PTPRN2: variants seen among roughly 807,000 people sequenced by gnomAD.
The protein encoded by PTPRN2 is receptor-type tyrosine-protein phosphatase N2.
PTPRN2 carries 74 observed loss-of-function variants against 118.8 expected under a neutral mutation model. The ratio of observed to expected loss-of-function variants is 0.62; its 90% CI spans 0.52 to 0.76. The LOEUF is 0.76. Ranked by LOEUF, PTPRN2 falls within the 30% of genes least tolerant of loss-of-function variation. PTPRN2 has a pLI of 0.00. For synonymous variants in PTPRN2, 641 were observed against 608.0 expected, an observed-to-expected ratio of 1.05 and a Z score of -0.80; for missense variants, 1,481 against 1,394.4, an observed-to-expected ratio of 1.06 and a Z score of -0.99.
rs1409220065 is a variant in PTPRN2 at position 157,676,314 on chromosome 7, C to T, written c.2001+6411G>A. Among the ~76,000 whole-genome samples, 1 of 152,230 alleles carries T rather than the reference C, an allele frequency of 6.6e-6. No homozygotes were observed. Among genetic ancestry groups the T allele is most frequent in the South Asian group, 2.1e-4 (1 of 4,818 alleles). On this transcript the variant is annotated intron_variant, in intron 13 of 22. Coordinates refer to ENST00000389418, the MANE Select transcript of PTPRN2 (RefSeq NM_002847.5). This position sits in a 1 kb window ranked among gnomAD's most constrained non-coding sequence, Gnocchi z 5.6. ...AGCCACGCCTCCATCTCCCGCCAGC[C>T]GCCAAGAGCTCCACCCACCACCTGG...
intron 11 of PTPRN2, among the ~76,000 whole-genome samples, chr7:157,912,329 G>T (rs955805486): frequency 6.6e-6 from 1 of 152,154 alleles, no homozygotes; most frequent in Non-Finnish European, 1.5e-5. Context: ...CCTCTTACAT[G>T]AAATTTTTGT....
In PTPRN2 at chr7:158,124,961, G is replaced by T. The variant is rs538861584; in HGVS notation, c.1556+8716C>A. Among the ~76,000 whole-genome samples the T allele has an allele frequency of 1.4e-3, 218 of 152,362 alleles. 1 individual carries two copies. Among genetic ancestry groups the T allele is most frequent in the African/African-American group, 4.6e-3 (192 of 41,588 alleles). On this transcript the variant is annotated intron_variant, in intron 9 of 22. Transcript: ENST00000389418. ...GCAAGAGAGAAGGCCCCGCAGTGCGGAGGCAAGAGGCTCAGATGGCCTGGA... is the reference window on the plus strand; with the variant it reads ...GCAAGAGAGAAGGCCCCGCAGTGCGTAGGCAAGAGGCTCAGATGGCCTGGA...
At chr7:157,826,756 C>T (rs1807201139) in intron 12 of PTPRN2, among the ~76,000 whole-genome samples, 1 of 152,146 alleles carries the variant, frequency 6.6e-6, no homozygotes, top group African/African-American at 2.4e-5. Context: ...GTCCTGATTG[C>T]AGAGGGTGGG....
At position 157,710,544 on chromosome 7, in the gene PTPRN2, C is replaced by G. The variant is rs888613719; in HGVS notation, c.1789-27607G>C. On this transcript the variant is annotated intron_variant, in intron 12 of 22. Coordinates refer to ENST00000389418, the MANE Select transcript of PTPRN2 (RefSeq NM_002847.5). ...CAGAGAGTGACATGGCTGCGGGGTCCCGCTGCAGAAGAACCCTGTGCAGTG... is the reference window on the plus strand; with the variant it reads ...CAGAGAGTGACATGGCTGCGGGGTCGCGCTGCAGAAGAACCCTGTGCAGTG... Among the ~76,000 whole-genome samples, 13 of 143,338 alleles carry G rather than the reference C, an allele frequency of 9.1e-5. No individual in the cohort carries two copies. In the East Asian group the frequency reaches 3.2e-3, roughly 35 times the overall value. 94.0% of individuals were successfully genotyped at this position (143,338 alleles called of 152,430 possible).
At chr7:158,128,606 C>T (rs1224697871) in intron 9 of PTPRN2, among the ~76,000 whole-genome samples, 1 of 152,220 alleles carries the variant, frequency 6.6e-6, no homozygotes, top group East Asian at 1.9e-4. Flanking sequence ...TGCGAGGCTG[C>T]TGCAGACAGG....
intron 11 of PTPRN2, among the ~76,000 whole-genome samples, chr7:158,054,267 T>C (rs1299938563): frequency 6.6e-6 from 1 of 152,194 alleles, no homozygotes; most frequent in Non-Finnish European, 1.5e-5. Flanking sequence ...AATTTTCCCA[T>C]GCGTGGGCCG....
intron 6 of PTPRN2, among the ~76,000 whole-genome samples, chr7:158,161,314 G>A (rs763021224): frequency 2.0e-5 from 3 of 152,168 alleles, no homozygotes; most frequent in Non-Finnish European, 4.4e-5. Context: ...CCATCATTAG[G>A]ATGCACTACA....
intron 2 of PTPRN2, among the ~76,000 whole-genome samples, chr7:158,486,689 A>C (rs1414742921): frequency 6.6e-6 from 1 of 152,150 alleles, no homozygotes; most frequent in Non-Finnish European, 1.5e-5. Flanking sequence ...CTGGCCTAAA[A>C]CCCTTACAGC....
At chr7:157,943,855 G>A (rs888448434) in intron 11 of PTPRN2, among the ~76,000 whole-genome samples, 2 of 152,290 alleles carry the variant, frequency 1.3e-5, no homozygotes, top group Non-Finnish European at 2.9e-5. Context: ...CACAGAGGCC[G>A]CAGGTGTCTA....
rs1355221588 is a variant in PTPRN2, at chr7:158,493,784, T to C, written c.113-3999A>G. Reference sequence around the variant, plus strand: ...TCATGCATGCATGCAGTCATGCCCATTCACAGGCACACTCATGCCTGCACA... The same window carrying C: ...TCATGCATGCATGCAGTCATGCCCACTCACAGGCACACTCATGCCTGCACA... On this transcript the variant is annotated intron_variant, in intron 1 of 22. Transcript: ENST00000389418. Among the ~76,000 whole-genome samples the C allele has an allele frequency of 9.3e-5, 11 of 117,680 alleles. 2 individuals are homozygous for C. The highest frequency in any genetic ancestry group is 7.1e-5 in the Non-Finnish European group (4 of 56,076). 77.2% of individuals were successfully genotyped at this position (117,680 alleles called of 152,430 possible). A position where few individuals can be genotyped will look rare whatever the true frequency, so the allele number is the denominator to read the frequency against.
intron 4 of PTPRN2, among the ~76,000 whole-genome samples, chr7:158,199,610 C>T (rs1218420471): frequency 2.0e-5 from 3 of 152,210 alleles, no homozygotes; most frequent in Non-Finnish European, 4.4e-5. Flanking sequence ...ATGTCACTGG[C>T]CCATGGTGGA....
chr7:157,921,890 A>G (rs1798709934), intron 11 of PTPRN2, among the ~76,000 whole-genome samples: 3 of 152,240 alleles, frequency 2.0e-5, no homozygotes, highest in African/African-American at 7.2e-5. Flanking sequence ...ATGTGGGCTC[A>G]TCAACTGTGA....
intron 12 of PTPRN2, among the ~76,000 whole-genome samples, chr7:157,822,311 C>T (rs569588251): frequency 1.3e-4 from 20 of 151,970 alleles, no homozygotes. Context: ...ATCTGCTATC[C>T]ATGAGCCATC....
chr7:158,139,346 A>T (rs1456210260), intron 6 of PTPRN2, among the ~76,000 whole-genome samples: 1 of 152,150 alleles, frequency 6.6e-6, no homozygotes, highest in South Asian at 2.1e-4. Flanking sequence ...ATTTATGTCC[A>T]TTACGGGTGG....
At chr7:157,788,113 T>C (rs13231612) in intron 12 of PTPRN2, among the ~76,000 whole-genome samples, 31,605 of 152,160 alleles carry the variant, frequency 0.21, 5,369 homozygotes, top group African/African-American at 0.47. Context: ...CGGTGGCTCA[T>C]GCCTGTAATC....
intron 3 of PTPRN2, among the ~76,000 whole-genome samples, chr7:158,211,018 T>C (rs1308493280): frequency 1.3e-5 from 2 of 152,180 alleles, no homozygotes; most frequent in Non-Finnish European, 2.9e-5. Flanking sequence ...TTCACGCCAA[T>C]ATCCCTGATG....
intron 2 of PTPRN2, among the ~76,000 whole-genome samples, chr7:158,407,190 CTGGGT>C (rs1563254481): frequency 0.038 from 1,026 of 26,812 alleles, 157 homozygotes; most frequent in East Asian, 0.13. Flanking sequence ...GTCCTGGGTC[CTGGGT>C]CCTGGGTCCT....
At chr7:158,092,185 C>T (rs1814234290) in intron 10 of PTPRN2, among the ~76,000 whole-genome samples, 2 of 150,098 alleles carry the variant, frequency 1.3e-5, no homozygotes, top group South Asian at 4.2e-4. Context: ...TATATATACA[C>T]ATATACATGT....
intron 12 of PTPRN2, among the ~76,000 whole-genome samples, chr7:157,849,422 A>T (rs1809111172): frequency 1.3e-5 from 2 of 152,156 alleles, no homozygotes; most frequent in Admixed American, 6.5e-5. Context: ...AGCTCAGCAG[A>T]AGGTCTCCCA....
Sources: allele counts gnomAD v4.1 joint callset (sites outside exome capture counted in the v4.1 genomes callset), GRCh38; gene constraint gnomAD v4.1.1; non-coding constraint Gnocchi (gnomAD v3.1); transcripts MANE v1.5; gene names NCBI Gene and HGNC (gene_info 2026-07-23, HGNC 2026-07-21).